Variants in HERC5 observed in about 807,000 individuals in gnomAD.
HERC5 encodes HECT and RLD domain containing E3 ubiquitin protein ligase 5, also known as E3 ISG15--protein ligase HERC5.
A neutral mutation model predicts 119.6 loss-of-function variants in HERC5; 99 were observed. The observed-to-expected ratio is 0.83, with a 90% CI of 0.70 to 0.98. The LOEUF is 0.98. HERC5 is among the 50% of genes least tolerant of loss of function. HERC5 has a pLI of 0.00. For synonymous variants in HERC5, 478 were observed against 445.9 expected (o/e 1.07, Z -0.91); for missense variants, 1,267 against 1,241.3 (o/e 1.02, Z -0.31).
chr4:88,463,561 C>T lies in HERC5; in HGVS notation c.718C>T (p.Leu240=). ...AGATGATCCATCCCTTATTGAAGGA[C>T]TAGACAATCAGAAAGTTGAATTTGT... ...SKDDPSLIEG[L]DNQKVEFVAC... The change falls in exon 5 of 23, where the codon CTA becomes TTA. Residue 240 remains leucine, a synonymous_variant. Transcript: ENST00000264350. The T allele has an allele frequency of 6.2e-7, 1 of 1,613,694 alleles. No homozygotes were observed. The highest frequency in any genetic ancestry group is 8.5e-7 in the Non-Finnish European group (1 of 1,179,704).
intron 10 of HERC5, among the ~76,000 whole-genome samples, chr4:88,471,074 C>A (rs1740855258): frequency 6.6e-6 from 1 of 151,928 alleles, no homozygotes; most frequent in Non-Finnish European, 1.5e-5. Flanking sequence ...TAGGCTCAAG[C>A]AGTCCTCCCA....
chr4:88,466,956 T>G, intron 6 of HERC5, 103 bp from the exon 7 acceptor site: 1 of 1,112,376 alleles, frequency 9.0e-7, no homozygotes, highest in Non-Finnish European at 1.3e-6. Flanking sequence ...ATGTTTAGTT[T>G]CACTCTCACT....
At position 88,464,443 on chromosome 4, in the gene HERC5, C is replaced by T. The variant is rs145572233; in HGVS notation, c.911+458C>T. On this transcript the variant is annotated intron_variant, in intron 6 of 22. Transcript: ENST00000264350. ...ATCACAGTAAAGTATAAGACATAGTCAGTGATGGTTTGAGTGAAATATTCC... is the reference window on the plus strand; with the variant it reads ...ATCACAGTAAAGTATAAGACATAGTTAGTGATGGTTTGAGTGAAATATTCC... 1.6e-4 allele frequency among the ~76,000 whole-genome samples: 25 copies of T among 152,194 alleles called. No homozygotes were observed. In the East Asian group the frequency reaches 4.8e-3, roughly 29 times the overall value.
chr4:88,501,629 G>A (rs1315547115), intron 20 of HERC5, among the ~76,000 whole-genome samples: 5 of 151,936 alleles, frequency 3.3e-5, no homozygotes, highest in African/African-American at 4.8e-5. Flanking sequence ...TTTAAACTTT[G>A]TATTGAAGTA....
At chr4:88,502,570 G>T (rs1370579259) in intron 20 of HERC5, among the ~76,000 whole-genome samples, 1 of 152,070 alleles carries the variant, frequency 6.6e-6, no homozygotes, top group African/African-American at 2.4e-5. Flanking sequence ...ATTTGGAGGC[G>T]AAAGGGGAAA....
chr4:88,468,407 C>T lies in HERC5; in HGVS notation c.1119C>T (p.Leu373=). Reference sequence around the variant, plus strand: ...CTGGAGGGAATCAAAGCATTTTGCTCTGGATAAAGAAAGAGGTAAAAATAG... The same window carrying T: ...CTGGAGGGAATCAAAGCATTTTGCTTTGGATAAAGAAAGAGGTAAAAATAG... The part of the protein sequence containing the change: ...MIAGGNQSIL[L]WIKKENSYVN... The change falls in exon 8 of 23, where the codon CTC becomes CTT. Residue 373 remains leucine (L), a synonymous_variant. Coordinates refer to ENST00000264350, the MANE Select transcript of HERC5 (RefSeq NM_016323.4). The T allele has an allele frequency of 2.5e-6, 4 of 1,609,326 alleles. No individual in the cohort carries two copies. Among genetic ancestry groups the T allele is most frequent in the South Asian group, 2.2e-5 (2 of 90,576 alleles).
Position 88,501,194 on chromosome 4 carries a change from CCTTT to C in HERC5, c.2582+212_2582+215del, listed in dbSNP as rs774882435. On this transcript the variant is annotated intron_variant, in intron 20 of 22. Transcript: ENST00000264350. Reference sequence around the variant, plus strand: ...AATGGAAATGGCTTTCTCAGAGAGACCTTTCTATTTCCTCCTGTCCAAAATTACA... The same window carrying C: ...AATGGAAATGGCTTTCTCAGAGAGACCTATTTCCTCCTGTCCAAAATTACA... Among the ~76,000 whole-genome samples, 6 of 152,230 alleles carry C rather than the reference CCTTT, an allele frequency of 3.9e-5. No individual in the cohort carries two copies. The East Asian group carries it at 1.2e-3, about 29-fold the overall frequency.
rs1272346987 is a variant in HERC5 at position 88,504,258 on chromosome 4, A to G, written c.2609A>G (p.Asn870Ser). The G allele has an allele frequency of 2.5e-6, 4 of 1,604,708 alleles. No homozygotes were observed. The highest frequency in any genetic ancestry group is 2.2e-5 in the East Asian group (1 of 44,754). ...NKRDYVSKYI[N>S]YIFNDSVKAV... Reference sequence around the variant, plus strand: ...AGAGACTATGTTTCTAAGTATATCAATTACATTTTCAACGACTCTGTAAAG... The same window carrying G: ...AGAGACTATGTTTCTAAGTATATCAGTTACATTTTCAACGACTCTGTAAAG... The change falls in exon 21 of 23, where the codon AAT becomes AGT. Residue 870 changes from asparagine to serine, a missense_variant. Transcript: ENST00000264350.
intron 1 of HERC5, 58 bp downstream of exon 1, chr4:88,457,592 T>G: frequency 1.6e-6 from 2 of 1,226,554 alleles, no homozygotes; most frequent in Non-Finnish European, 2.0e-6. Context: ...GGCTGAGGGC[T>G]GTGAGGGGCG....
chr4:88,470,546 TAAAG>T, intron 9 of HERC5, 64 bp from the exon 10 acceptor site: 9 of 794,604 alleles, frequency 1.1e-5, no homozygotes, highest in Admixed American at 2.3e-5. Context: ...TCTCATGCTG[TAAAG>T]AAAGAGGCTG....
At chr4:88,492,500 T>C (rs988348005) in intron 16 of HERC5, among the ~76,000 whole-genome samples, 4 of 151,338 alleles carry the variant, frequency 2.6e-5, no homozygotes, top group Non-Finnish European at 5.9e-5. Context: ...TCTCAGCGCT[T>C]TGGGAGGCTG....
At chr4:88,497,396 G>A (rs1029088405) in intron 18 of HERC5, among the ~76,000 whole-genome samples, 2 of 152,200 alleles carry the variant, frequency 1.3e-5, no homozygotes, top group African/African-American at 4.8e-5. Context: ...CAATTCTGAT[G>A]AGGTCTCAGA....
chr4:88,471,769 C>A (rs1216051012), intron 10 of HERC5, among the ~76,000 whole-genome samples: 3 of 152,122 alleles, frequency 2.0e-5, no homozygotes, highest in Non-Finnish European at 2.9e-5. Flanking sequence ...TCTTTTGGTT[C>A]CCACTTTTCA....
chr4:88,505,953 C>A lies in HERC5; in HGVS notation c.*75C>A. ...TGTTGTTGTTGTTGTTGTTTCTCTA[C>A]TTTGTTTTGTTTTAGGCTTTTAGCA... On this transcript the variant is annotated 3_prime_UTR_variant, in exon 23 of 23. Coordinates refer to ENST00000264350, the MANE Select transcript of HERC5 (RefSeq NM_016323.4). 4.0e-6 allele frequency: 5 copies of A among 1,262,072 alleles called. No individual in the cohort carries two copies. The highest frequency in any genetic ancestry group is 4.4e-6 in the Non-Finnish European group (4 of 900,540). The allele number at this position is 1,262,072 out of a possible 1,614,324, so 78.2% of individuals were successfully genotyped here. A position where few individuals can be genotyped will look rare whatever the true frequency, so the allele number is the denominator to read the frequency against.
At chr4:88,472,149 A>T (rs1740896664) in intron 10 of HERC5, among the ~76,000 whole-genome samples, 1 of 151,960 alleles carries the variant, frequency 6.6e-6, no homozygotes, top group Non-Finnish European at 1.5e-5. Context: ...AAACTGGGAA[A>T]TATTAATTTT....
intron 8 of HERC5, 41 bp from the exon 9 acceptor site, chr4:88,469,116 G>T (rs1479905454): frequency 1.4e-6 from 2 of 1,393,264 alleles, no homozygotes; most frequent in Non-Finnish European, 2.0e-6. Flanking sequence ...TATCTCTGAT[G>T]TGTCTAAATT....
At chr4:88,502,907 CTT>C (rs61337796) in intron 20 of HERC5, among the ~76,000 whole-genome samples, 1,596 of 150,910 alleles carry the variant, frequency 0.011, 25 homozygotes, top group African/African-American at 0.037. Context: ...AGATGCAAGT[CTT>C]TTGTTGGTTA....
intron 8 of HERC5, among the ~76,000 whole-genome samples, chr4:88,468,837 C>T (rs569559646): frequency 6.6e-6 from 1 of 152,314 alleles, no homozygotes; most frequent in South Asian, 2.1e-4. Context: ...GTTCCTCACA[C>T]TTCTGCACAC....
intron 13 of HERC5, among the ~76,000 whole-genome samples, chr4:88,483,123 T>C (rs1741336019): frequency 6.6e-6 from 1 of 152,190 alleles, no homozygotes; most frequent in South Asian, 2.1e-4. Flanking sequence ...TGGATACTTA[T>C]TTGTGATTTT....
Sources: allele counts gnomAD v4.1 joint callset (sites outside exome capture counted in the v4.1 genomes callset), GRCh38; gene constraint gnomAD v4.1.1; transcripts MANE v1.5; gene names NCBI Gene and HGNC (gene_info 2026-07-23, HGNC 2026-07-21).